The following CCDC63 variants were observed in gnomAD, a reference collection of about 807,000 sequenced individuals.
The protein encoded by CCDC63 is coiled-coil domain containing 63, also known as coiled-coil domain-containing protein 63.
CCDC63 carries 54 observed loss-of-function variants against 63.6 expected under a neutral mutation model. That is an observed-to-expected ratio of 0.85 (90% confidence interval 0.68 to 1.07). The LOEUF (loss-of-function observed/expected upper bound fraction) is 1.07. Ranked by LOEUF, CCDC63 falls within the 50% of genes least tolerant of loss-of-function variation. CCDC63 has a pLI of 0.00. For missense variants in CCDC63, 637 were observed against 689.6 expected (o/e 0.92, Z 0.86); for synonymous variants, 253 against 266.1 (o/e 0.95, Z 0.48).
intron 11 of CCDC63, among the ~76,000 whole-genome samples, chr12:110,905,890 A>ATTATATATAATAT (rs1200571039): frequency 8.7e-5 from 1 of 11,434 alleles, no homozygotes; most frequent in African/African-American, 2.7e-4. Context: ...GTATATATAT[A>ATTATATATAATAT]ATATTATATA....
chr12:110,853,379 C>G (rs768066488), intron 2 of CCDC63, 26 bp from the exon 3 acceptor site: 19 of 1,598,540 alleles, frequency 1.2e-5, no homozygotes, highest in Non-Finnish European at 1.6e-5. Flanking sequence ...CCACTACGGC[C>G]TCCCACTCCT....
intron 2 of CCDC63, 40 bp from the exon 3 acceptor site, chr12:110,853,365 T>C: frequency 6.3e-7 from 1 of 1,584,032 alleles, no homozygotes; most frequent in South Asian, 1.2e-5. Context: ...TCTAGCCACC[T>C]GGCCCACTAC....
intron 4 of CCDC63, among the ~76,000 whole-genome samples, chr12:110,868,453 A>G (rs2071007996): frequency 6.6e-6 from 1 of 150,676 alleles, no homozygotes; most frequent in Admixed American, 6.6e-5. Context: ...TTGAGCACTG[A>G]GTGAACGAGA....
rs554300233 is a variant in CCDC63 at position 110,880,319 on chromosome 12, C to G, written c.671+232C>G. The stretch of plus-strand genomic sequence containing the variant: ...GGAATTATTATCCCCATTTTACAGA[C>G]TGGAATGTGCAGGCTTAGAGATGCT... On this transcript the variant is annotated intron_variant, in intron 6 of 11. Transcript: ENST00000308208. 2.0e-5 allele frequency among the ~76,000 whole-genome samples: 3 copies of G among 152,300 alleles called. No individual in the cohort carries two copies. The South Asian group carries it at 6.2e-4, about 32-fold the overall frequency.
upstream of CCDC63, among the ~76,000 whole-genome samples, chr12:110,845,245 CTTGAAATGTGTGAGTCA>C (rs1161212016): frequency 6.6e-6 from 1 of 152,188 alleles, no homozygotes; most frequent in African/African-American, 2.4e-5. Flanking sequence ...GTCGTTGACA[CTTGAAATGTGTGAGTCA>C]TTGGGCTCTG....
chr12:110,846,424 C>T (rs960127207), upstream of CCDC63, among the ~76,000 whole-genome samples: 6 of 152,102 alleles, frequency 3.9e-5, no homozygotes, highest in Non-Finnish European at 7.4e-5. Flanking sequence ...CTTGGGTTCC[C>T]GTGTTATGCT....
Position 110,893,163 on chromosome 12 carries a change from T to G in CCDC63, c.1149+13T>G, listed in dbSNP as rs2071378874. 1 of 1,610,072 alleles carries G rather than the reference T, an allele frequency of 6.2e-7. No homozygotes were observed. Among genetic ancestry groups the G allele is most frequent in the Admixed American group, 1.7e-5 (1 of 59,910 alleles). ...GAGACAGCTGGAGGTGAGAACAGGA[T>G]CGGGAGGGAGGGATGCGGGAGCTTC... On this transcript the variant is annotated intron_variant, in intron 9 of 11. Transcript: ENST00000308208.
At chr12:110,883,791 C>T (rs1267236032) in intron 7 of CCDC63, among the ~76,000 whole-genome samples, 1 of 152,118 alleles carries the variant, frequency 6.6e-6, no homozygotes, top group East Asian at 1.9e-4. Context: ...AGGCATGTGC[C>T]ACCACACCTG....
At position 110,881,045 on chromosome 12, in the gene CCDC63, G is replaced by A. The variant is rs2071200445; in HGVS notation, c.672-70G>A. The A allele has an allele frequency of 6.4e-6, 9 of 1,414,806 alleles. No homozygotes were observed. In the South Asian group the frequency reaches 1.4e-4, roughly 22 times the overall value. The allele number at this position is 1,414,806 out of a possible 1,614,324, so 87.6% of individuals were successfully genotyped here. A position where few individuals can be genotyped will look rare whatever the true frequency, so the allele number is the denominator to read the frequency against. On this transcript the variant is annotated intron_variant, in intron 6 of 11. Coordinates refer to ENST00000308208, the MANE Select transcript of CCDC63 (RefSeq NM_152591.3). ...CATTCTCTAGGCAGGAAGGCCTTCT[G>A]GACTGGCAGGGAAAGGGAAGTAGAG...
intron 4 of CCDC63, among the ~76,000 whole-genome samples, chr12:110,873,305 G>A (rs2071089810): frequency 6.6e-6 from 1 of 152,134 alleles, no homozygotes; most frequent in South Asian, 2.1e-4. Flanking sequence ...TAACATCCAG[G>A]GGGCCACTGG....
rs757100496 is a variant in CCDC63, at chr12:110,898,941, G to A, written c.1158G>A (p.Leu386=). The A allele has an allele frequency of 4.9e-5, 78 of 1,602,698 alleles. No individual in the cohort carries two copies. The highest frequency in any genetic ancestry group is 6.5e-5 in the Non-Finnish European group (76 of 1,173,480). ...TTGGGGTCTGCCACCAGGATAAACT[G>A]AGGAAGACCACGGAGGAGGCAGATA... ...HSVLRQLEDK[L]RKTTEEADMY... is the part of the protein sequence containing the mutation. Residue 386 remains leucine (L), a synonymous_variant, in exon 10 of 12, where the codon CTG becomes CTA. Transcript: ENST00000308208.
chr12:110,864,185 CCTAT>C (rs1308161848), intron 4 of CCDC63, among the ~76,000 whole-genome samples: 47 of 152,344 alleles, frequency 3.1e-4, no homozygotes, highest in Middle Eastern at 3.4e-3. Context: ...CCAAATCCAG[CCTAT>C]CTGTTTATAG....
intron 3 of CCDC63, among the ~76,000 whole-genome samples, chr12:110,856,481 G>T (rs2070772512): frequency 6.6e-6 from 1 of 152,070 alleles, no homozygotes; most frequent in South Asian, 2.1e-4. Flanking sequence ...TTCCAGGAGG[G>T]GCTTAAGCAG....
intron 4 of CCDC63, among the ~76,000 whole-genome samples, chr12:110,866,501 T>C (rs2136667327): frequency 7.3e-6 from 1 of 136,364 alleles, no homozygotes; most frequent in East Asian, 2.0e-4. Context: ...TTACTTGAGA[T>C]TAGGGATTGG....
chr12:110,898,776 T>C (rs940230662), intron 9 of CCDC63, among the ~76,000 whole-genome samples, 157 bp from the exon 10 acceptor site: 14 of 152,300 alleles, frequency 9.2e-5, no homozygotes, highest in Admixed American at 6.5e-4. Context: ...TATTTTATTT[T>C]ATTTCTTTAA....
intron 4 of CCDC63, among the ~76,000 whole-genome samples, chr12:110,873,041 C>G (rs1250315222): frequency 6.6e-6 from 1 of 152,146 alleles, no homozygotes; most frequent in Non-Finnish European, 1.5e-5. Context: ...CGAAACCAGG[C>G]TGGCCAACAT....
intron 5 of CCDC63, among the ~76,000 whole-genome samples, chr12:110,878,762 G>C (rs2071163934): frequency 6.6e-6 from 1 of 152,180 alleles, no homozygotes; most frequent in African/African-American, 2.4e-5. Flanking sequence ...GCCCAGGAGA[G>C]GGATTGCTGG....
At position 110,867,218 on chromosome 12, in the gene CCDC63, G is replaced by A. The variant is rs1593655417; in HGVS notation, c.370-6624G>A. On this transcript the variant is annotated intron_variant, in intron 4 of 11. Transcript: ENST00000308208. ...TCCCGGACGGGGCGGCTGGCCGGGC[G>A]GGGGGCCGACCCCCCCACCTCCCTC... Among the ~76,000 whole-genome samples the A allele has an allele frequency of 5.6e-5, 7 of 124,854 alleles. No homozygotes were observed. The South Asian group carries it at 1.0e-3, about 19-fold the overall frequency. The allele number at this position is 124,854 out of a possible 152,430, so 81.9% of individuals were successfully genotyped here.
At chr12:110,898,699 C>T (rs1426058204) in intron 9 of CCDC63, among the ~76,000 whole-genome samples, 1 of 151,668 alleles carries the variant, frequency 6.6e-6, no homozygotes, top group Non-Finnish European at 1.5e-5. Context: ...TTACATTGAA[C>T]AATATTTACT....
Sources: gnomAD v4.1 joint callset for allele counts (sites outside exome capture counted in the v4.1 genomes callset) on GRCh38, gnomAD v4.1.1 for gene constraint, MANE v1.5 for transcripts, NCBI Gene and HGNC (gene_info 2026-07-23, HGNC 2026-07-21) for gene names.